The following CNTN4 variants were observed in gnomAD, a reference collection of about 807,000 sequenced individuals.
CNTN4 encodes the protein contactin 4, also known as contactin-4.
Under a neutral mutation model 122.5 loss-of-function variants are expected in CNTN4, and 77 were observed. The ratio of observed to expected loss-of-function variants is 0.63; its 90% CI spans 0.52 to 0.76. The LOEUF is 0.76. CNTN4 is among the 30% of genes least tolerant of loss of function. The pLI, the probability that CNTN4 is intolerant of heterozygous loss-of-function variation, is 0.00. For missense variants in CNTN4, 1,256 were observed against 1,259.1 expected (o/e 1.00, Z 0.04); for synonymous variants, 512 against 447.0 (o/e 1.15, Z -1.83).
intron 6 of CNTN4, among the ~76,000 whole-genome samples, chr3:2,801,714 G>C (rs7643910): frequency 0.013 from 2,030 of 150,762 alleles, 48 homozygotes; most frequent in African/African-American, 0.048. Flanking sequence ...GTAGGTTTTG[G>C]GAGCCTAGGA....
intron 14 of CNTN4, among the ~76,000 whole-genome samples, chr3:2,994,619 G>GTA (rs1204164224): frequency 1.0e-4 from 14 of 136,896 alleles, no homozygotes; most frequent in Non-Finnish European, 1.9e-4. Context: ...ATATATGTGT[G>GTA]TATATATATA....
At chr3:3,021,758 G>T (rs1698314955) in intron 14 of CNTN4, among the ~76,000 whole-genome samples, 2 of 152,300 alleles carry the variant, frequency 1.3e-5, no homozygotes, top group South Asian at 4.1e-4. Flanking sequence ...GTATCCTGTG[G>T]ACCCAAAAGC....
At chr3:2,522,704 A>G in intron 3 of CNTN4, among the ~76,000 whole-genome samples, 1 of 151,896 alleles carries the variant, frequency 6.6e-6, no homozygotes, top group East Asian at 1.9e-4. Context: ...CTGGGACTCA[A>G]GACTCTGAAT....
chr3:2,208,800 T>A lies in CNTN4; in HGVS notation c.-145+108161T>A, dbSNP rs181679470. On this transcript the variant is annotated intron_variant, in intron 2 of 24. Coordinates refer to ENST00000418658, the MANE Select transcript of CNTN4 (RefSeq NM_175607.3). ...GCCATAATACTGAGACAAGACCCTCTACCAGCAACAAAGATTACAACTCAC... is the reference window on the plus strand; with the variant it reads ...GCCATAATACTGAGACAAGACCCTCAACCAGCAACAAAGATTACAACTCAC... Among the ~76,000 whole-genome samples the A allele has an allele frequency of 1.4e-3, 216 of 152,276 alleles. 2 individuals are homozygous for A. The highest frequency in any genetic ancestry group is 4.9e-3 in the African/African-American group (204 of 41,562).
At chr3:2,553,174 T>C (rs1196983086) in intron 3 of CNTN4, among the ~76,000 whole-genome samples, 3 of 152,152 alleles carry the variant, frequency 2.0e-5, no homozygotes, top group Non-Finnish European at 4.4e-5. Flanking sequence ...AAAACTGTTA[T>C]ATCTTTAAAG....
rs1262759822 is a variant in CNTN4 at position 2,900,743 on chromosome 3, C to A, written c.999C>A (p.Val333=). The A allele has an allele frequency of 6.8e-6, 11 of 1,613,794 alleles. No homozygotes were observed. The highest frequency in any genetic ancestry group is 1.3e-5 in the African/African-American group (1 of 74,924). Residue 333 remains valine, a synonymous_variant, in exon 11 of 25, where the codon GTC becomes GTA. Transcript: ENST00000418658. ...NDIHVAMEEN[V]FWECKANGRP... ...TTCACGTGGCCATGGAAGAAAATGTCTTTTGGGAATGTAAAGCAAATGGAA... is the reference window on the plus strand; with the variant it reads ...TTCACGTGGCCATGGAAGAAAATGTATTTTGGGAATGTAAAGCAAATGGAA...
intron 4 of CNTN4, among the ~76,000 whole-genome samples, chr3:2,605,194 T>C (rs1487741402): frequency 6.6e-6 from 1 of 152,162 alleles, no homozygotes; most frequent in Non-Finnish European, 1.5e-5. Flanking sequence ...TAGGGACAAG[T>C]TCTTGCTATG....
chr3:3,029,302 G>A (rs904100513), intron 15 of CNTN4, among the ~76,000 whole-genome samples: 6 of 152,150 alleles, frequency 3.9e-5, no homozygotes, highest in African/African-American at 9.7e-5. Context: ...GTTAATCTAC[G>A]CTTCAAGGTT....
intron 3 of CNTN4, among the ~76,000 whole-genome samples, chr3:2,481,359 TC>T (rs2076000827): frequency 6.6e-6 from 1 of 152,048 alleles, no homozygotes; most frequent in Non-Finnish European, 1.5e-5. Context: ...CAGACTGATC[TC>T]AAACTTCTGA....
At chr3:2,973,193 AGAG>A (rs1693098845) in intron 13 of CNTN4, among the ~76,000 whole-genome samples, 1 of 152,094 alleles carries the variant, frequency 6.6e-6, no homozygotes, top group African/African-American at 2.4e-5. Flanking sequence ...TTTAGAAACG[AGAG>A]GAGGATTGCT....
In CNTN4 at chr3:2,903,012, C is replaced by A; in HGVS notation, c.1207+7C>A. On this transcript the variant is annotated splice_region_variant and intron_variant, in intron 12 of 24. Transcript: ENST00000418658. Reference sequence around the variant, plus strand: ...GCAGAGCTTAGTGTTATAGGTGAGTCTTTATACTGGCAAGAAAAAAAAATT... The same window carrying A: ...GCAGAGCTTAGTGTTATAGGTGAGTATTTATACTGGCAAGAAAAAAAAATT... The A allele has an allele frequency of 6.2e-7, 1 of 1,612,994 alleles. No homozygotes were observed. The highest frequency in any genetic ancestry group is 8.5e-7 in the Non-Finnish European group (1 of 1,179,410).
chr3:2,950,171 C>T (rs1198836936), intron 13 of CNTN4, among the ~76,000 whole-genome samples: 1 of 152,222 alleles, frequency 6.6e-6, no homozygotes, highest in Admixed American at 6.5e-5. Flanking sequence ...CTCCAGAGAG[C>T]CCTGTTTCCT....
chr3:2,720,302 C>A (rs965441208), intron 4 of CNTN4, among the ~76,000 whole-genome samples: 4 of 152,112 alleles, frequency 2.6e-5, no homozygotes, highest in Admixed American at 2.0e-4. Flanking sequence ...TGCTTTTATA[C>A]CCTATTAAAT....
Position 2,988,486 on chromosome 3 carries a change from C to T in CNTN4, c.1486+14C>T. 6.2e-7 allele frequency: 1 copy of T among 1,613,292 alleles called. No homozygotes were observed. Among genetic ancestry groups the T allele is most frequent in the Non-Finnish European group, 8.5e-7 (1 of 1,179,436 alleles). The stretch of plus-strand genomic sequence containing the variant: ...TGGTAGTGAAAGGTAATGGCTAACC[C>T]AAAGAATTCGAATATTTATATATGT... On this transcript the variant is annotated intron_variant, in intron 14 of 24. Coordinates refer to ENST00000418658, the MANE Select transcript of CNTN4 (RefSeq NM_175607.3).
At chr3:2,902,511 A>G (rs2094185858) in intron 11 of CNTN4, among the ~76,000 whole-genome samples, 1 of 152,178 alleles carries the variant, frequency 6.6e-6, no homozygotes, top group East Asian at 1.9e-4. Context: ...CAGTAAATTT[A>G]GTTTTATTTC....
intron 2 of CNTN4, among the ~76,000 whole-genome samples, chr3:2,125,185 A>G (rs2034063398): frequency 1.3e-5 from 2 of 152,114 alleles, no homozygotes; most frequent in African/African-American, 4.8e-5. Flanking sequence ...TGACTATTTT[A>G]GATACCTTAT....
At chr3:2,508,882 T>G (rs1159531864) in intron 3 of CNTN4, among the ~76,000 whole-genome samples, 1 of 152,224 alleles carries the variant, frequency 6.6e-6, no homozygotes, top group African/African-American at 2.4e-5. Flanking sequence ...TTCCCAGATT[T>G]AGATTTTTAT....
chr3:2,826,869 C>T (rs1312420151), intron 7 of CNTN4, among the ~76,000 whole-genome samples: 1 of 152,208 alleles, frequency 6.6e-6, no homozygotes, highest in Non-Finnish European at 1.5e-5. Context: ...CTTCCCCAAA[C>T]TGGTTCCTGG....
At chr3:2,677,166 TA>T (rs2084898584) in intron 4 of CNTN4, among the ~76,000 whole-genome samples, 1 of 150,782 alleles carries the variant, frequency 6.6e-6, no homozygotes, top group Non-Finnish European at 1.5e-5. Flanking sequence ...GATAGATAGA[TA>T]GATAGATGTG....
Sources: allele counts gnomAD v4.1 joint callset (sites outside exome capture counted in the v4.1 genomes callset), GRCh38; gene constraint gnomAD v4.1.1; transcripts MANE v1.5; gene names NCBI Gene and HGNC (gene_info 2026-07-23, HGNC 2026-07-21).